Variants in SENP1 observed in about 807,000 individuals in gnomAD.
The protein encoded by SENP1 is SUMO specific peptidase 1.
In SENP1, 21 loss-of-function variants were observed where a neutral mutation model predicts 93.0. The ratio of observed to expected loss-of-function variants is 0.23; its 90% CI spans 0.16 to 0.33. SENP1 has a LOEUF of 0.33. Ranked by LOEUF, SENP1 falls within the 10% of genes least tolerant of loss-of-function variation. The pLI is 1.00. For synonymous variants in SENP1, 256 were observed against 259.6 expected (o/e 0.99, Z 0.13); for missense variants, 591 against 758.7 (o/e 0.78, Z 2.60).
In SENP1 at chr12:48,090,424, G is replaced by A. The variant is rs116345974; in HGVS notation, c.221-1464C>T. On this transcript the variant is annotated intron_variant, in intron 4 of 17. Transcript: ENST00000549518. ...GATAAGTCAGAGTAGCATTCTCAACGGCATGTGACAGAGACTGCAGCTTTA... is the reference window on the plus strand; with the variant it reads ...GATAAGTCAGAGTAGCATTCTCAACAGCATGTGACAGAGACTGCAGCTTTA... 4.8e-3 allele frequency among the ~76,000 whole-genome samples: 724 copies of A among 152,254 alleles called. 7 individuals are homozygous for A. The highest frequency in any genetic ancestry group is 0.016 in the African/African-American group (649 of 41,556).
At chr12:48,069,152 C>CAAAAAAAAAAAAAAAAAAA (rs10564674) in intron 9 of SENP1, among the ~76,000 whole-genome samples, 1 of 76,336 alleles carries the variant, frequency 1.3e-5, no homozygotes, top group African/African-American at 5.6e-5. Context: ...GACTCTGTCA[C>CAAAAAAAAAAAAAAAAAAA]AAAAAAAAAA....
intron 2 of SENP1, 43 bp from the exon 3 acceptor site, chr12:48,098,167 A>C (rs761311866): frequency 3.2e-5 from 51 of 1,580,998 alleles, no homozygotes; most frequent in Non-Finnish European, 4.1e-5. Flanking sequence ...ATAATTCTTC[A>C]ATAACGTTTT....
chr12:48,045,293 T>C lies in SENP1; in HGVS notation c.*29A>G. ...GACAACAAAGAGCTGGTCCCCCACA[T>C]GGTCAAGGTCTGCTAAGTGAGACAG... On this transcript the variant is annotated 3_prime_UTR_variant, in exon 18 of 18. Coordinates refer to ENST00000549518, the MANE Select transcript of SENP1 (RefSeq NM_001267594.2). 2 of 1,599,032 alleles carry C rather than the reference T, an allele frequency of 1.3e-6. No individual in the cohort carries two copies. Among genetic ancestry groups the C allele is most frequent in the South Asian group, 2.2e-5 (2 of 90,606 alleles).
At chr12:48,091,966 A>G (rs895286257) in intron 4 of SENP1, among the ~76,000 whole-genome samples, 1 of 152,130 alleles carries the variant, frequency 6.6e-6, no homozygotes, top group Non-Finnish European at 1.5e-5. Context: ...CAGGCGTGTA[A>G]AGTTTTGCTG....
intron 6 of SENP1, chr12:48,080,571 C>A (rs1203440225): frequency 6.6e-6 from 1 of 152,316 alleles, no homozygotes; most frequent in Non-Finnish European, 1.5e-5. Flanking sequence ...TGTACCTCTG[C>A]TGAGGATCCC....
At chr12:48,104,047 C>T (rs189139263) in intron 1 of SENP1, among the ~76,000 whole-genome samples, 1 of 151,670 alleles carries the variant, frequency 6.6e-6, no homozygotes, top group Non-Finnish European at 1.5e-5. Context: ...CCTGTCTCTA[C>T]GAAAAATACA....
chr12:48,058,721 T>G (rs1775), intron 13 of SENP1, among the ~76,000 whole-genome samples: 5 of 152,274 alleles, frequency 3.3e-5, no homozygotes, highest in African/African-American at 1.2e-4. Flanking sequence ...TCTAGAGGTA[T>G]GAAAAAATGA....
chr12:48,059,558 T>C (rs1036292200), intron 13 of SENP1, among the ~76,000 whole-genome samples: 1 of 152,182 alleles, frequency 6.6e-6, no homozygotes, highest in African/African-American at 2.4e-5. Context: ...AATTCTATTA[T>C]TTTGGTCATT....
At chr12:48,077,039 A>T (rs1357665566) in intron 6 of SENP1, among the ~76,000 whole-genome samples, 1 of 152,094 alleles carries the variant, frequency 6.6e-6, no homozygotes, top group African/African-American at 2.4e-5. Context: ...TTTGTACCCA[A>T]TGTTTAGCTC....
intron 1 of SENP1, among the ~76,000 whole-genome samples, chr12:48,102,005 G>A (rs2137340467): frequency 6.6e-6 from 1 of 152,272 alleles, no homozygotes; most frequent in East Asian, 1.9e-4. Flanking sequence ...AACTACTCTG[G>A]AGTAATACAA....
Position 48,045,366 on chromosome 12 carries a change from G to A in SENP1, c.1891C>T (p.Arg631Trp), listed in dbSNP as rs973045396. Residue 631 changes from arginine to tryptophan, a missense_variant, in exon 18 of 18, where the codon CGG becomes TGG. Around this residue, in one of 4 missense-constraint regions of SENP1, gnomAD observed 132 missense variants for 230.1 expected, o/e 0.57. Coordinates refer to ENST00000549518, the MANE Select transcript of SENP1 (RefSeq NM_001267594.2). Reference sequence around the variant, plus strand: ...AGGATCTCCCAGACCATCCGCTTCCGGAAGTATGGCATGTGTTGCTGTAGG... The same window carrying A: ...AGGATCTCCCAGACCATCCGCTTCCAGAAGTATGGCATGTGTTGCTGTAGG... ...NFTQQHMPYF[R>W]KRMVWEILHR... The A allele has an allele frequency of 1.9e-6, 3 of 1,613,630 alleles. No individual in the cohort carries two copies. Among genetic ancestry groups the A allele is most frequent in the East Asian group, 2.2e-5 (1 of 44,868 alleles).
At chr12:48,073,079 T>C (rs1943822329) in intron 8 of SENP1, among the ~76,000 whole-genome samples, 1 of 152,318 alleles carries the variant, frequency 6.6e-6, no homozygotes, top group Non-Finnish European at 1.5e-5. Context: ...CATTCTATTA[T>C]GTATTTTCTC....
At chr12:48,090,681 C>T (rs1010144257) in intron 4 of SENP1, among the ~76,000 whole-genome samples, 11 of 152,038 alleles carry the variant, frequency 7.2e-5, no homozygotes, top group African/African-American at 2.7e-4. Flanking sequence ...ACTGCAGCCT[C>T]GAACTCCTAA....
chr12:48,082,106 G>T (rs902822093), intron 6 of SENP1, among the ~76,000 whole-genome samples: 1 of 151,286 alleles, frequency 6.6e-6, no homozygotes, highest in African/African-American at 2.4e-5. Flanking sequence ...AGCCAGGATG[G>T]TCTTCATCTC....
rs184367508 is a variant in SENP1, at chr12:48,071,476, C to T, written c.995+191G>A. Among the ~76,000 whole-genome samples the T allele has an allele frequency of 2.0e-5, 3 of 152,132 alleles. No individual in the cohort carries two copies. The East Asian group carries it at 5.8e-4, about 29-fold the overall frequency. On this transcript the variant is annotated intron_variant, in intron 9 of 17. Transcript: ENST00000549518. The stretch of plus-strand genomic sequence containing the variant: ...ACTAAAAATACAAAAATTAGCTGGG[C>T]GTGGTGGCGGGCGCCTGTAATCCTA...
intron 13 of SENP1, among the ~76,000 whole-genome samples, chr12:48,057,798 T>C (rs1373052985): frequency 6.6e-6 from 1 of 150,906 alleles, no homozygotes; most frequent in East Asian, 1.9e-4. Context: ...AGTTTTGCCA[T>C]GTTGGCCAGG....
At chr12:48,066,444 A>G (rs1943302948) in intron 10 of SENP1, among the ~76,000 whole-genome samples, 1 of 152,170 alleles carries the variant, frequency 6.6e-6, no homozygotes, top group Non-Finnish European at 1.5e-5. Context: ...TAATAAACAT[A>G]AGTATAGAAA....
chr12:48,100,689 C>T (rs992674878), intron 2 of SENP1, among the ~76,000 whole-genome samples: 2 of 151,832 alleles, frequency 1.3e-5, no homozygotes, highest in Admixed American at 6.6e-5. Flanking sequence ...AACTCTAGAA[C>T]CAGAGTGCCT....
chr12:48,056,416 TATAG>T (rs1942359744), intron 13 of SENP1, among the ~76,000 whole-genome samples: 1 of 115,446 alleles, frequency 8.7e-6, no homozygotes, highest in Non-Finnish European at 1.6e-5. Flanking sequence ...AATTATTTAA[TATAG>T]TACATATTAC....
Sources: allele counts gnomAD v4.1 joint callset (sites outside exome capture counted in the v4.1 genomes callset), GRCh38; gene constraint gnomAD v4.1.1; regional missense constraint gnomAD v4.1.1; transcripts MANE v1.5; gene names NCBI Gene and HGNC (gene_info 2026-07-23, HGNC 2026-07-21).